Variants in PRIM2 observed in about 807,000 individuals in gnomAD.
PRIM2 encodes the protein DNA primase large subunit.
In PRIM2, 39 loss-of-function variants were observed where a neutral mutation model predicts 67.3. The observed-to-expected ratio is 0.58, with a 90% CI of 0.45 to 0.76. The LOEUF (loss-of-function observed/expected upper bound fraction) is 0.76. Ranked by LOEUF, PRIM2 falls within the 30% of genes least tolerant of loss-of-function variation. The probability of loss-of-function intolerance (pLI) is 0.00; values close to 1 mark genes in which losing one functional copy is unlikely to be tolerated. For missense variants in PRIM2, 398 were observed against 598.7 expected (o/e 0.66, Z 3.50); for synonymous variants, 143 against 198.7 (o/e 0.72, Z 2.36).
chr6:57,595,330 C>A (rs1187025769), intron 10 of PRIM2, among the ~76,000 whole-genome samples: 14 of 152,196 alleles, frequency 9.2e-5, no homozygotes, highest in East Asian at 3.9e-4. Flanking sequence ...TAGGAAAAAA[C>A]CAATTTTCTC....
intron 10 of PRIM2, among the ~76,000 whole-genome samples, chr6:57,575,647 G>C (rs1775949628): frequency 2.0e-5 from 3 of 152,102 alleles, no homozygotes; most frequent in Non-Finnish European, 4.4e-5. Context: ...TTACTCTTGA[G>C]GGGTGATAAT....
At chr6:57,450,631 C>G (rs1046880480) in intron 7 of PRIM2, among the ~76,000 whole-genome samples, 2 of 152,184 alleles carry the variant, frequency 1.3e-5, no homozygotes, top group Admixed American at 1.3e-4. Flanking sequence ...TTTAGAATTA[C>G]TACATTTGGC....
At chr6:57,433,057 T>G (rs1471924098) in intron 7 of PRIM2, among the ~76,000 whole-genome samples, 3 of 152,130 alleles carry the variant, frequency 2.0e-5, no homozygotes, top group Non-Finnish European at 4.4e-5. Flanking sequence ...TAAATAAAAT[T>G]TTATTGGAAC....
the PRIM2 span, among the ~76,000 whole-genome samples, chr6:57,262,000 G>T: frequency 1.3e-5 from 2 of 152,174 alleles, no homozygotes; most frequent in Non-Finnish European, 2.9e-5. Flanking sequence ...TTTGGCTTGA[G>T]TTCTGTTTTC....
intron 5 of PRIM2, among the ~76,000 whole-genome samples, chr6:57,366,257 G>A (rs1032252430): frequency 1.3e-5 from 2 of 152,180 alleles, no homozygotes; most frequent in Non-Finnish European, 2.9e-5. Flanking sequence ...AGTCATAGAA[G>A]TGAAAGAAAG....
chr6:57,379,422 TAATA>T (rs1769880278), intron 5 of PRIM2, among the ~76,000 whole-genome samples: 1 of 151,464 alleles, frequency 6.6e-6, no homozygotes, highest in Non-Finnish European at 1.5e-5. Flanking sequence ...CAGTCTGAGA[TAATA>T]AATTTATAGT....
At chr6:57,421,693 C>G (rs1387664901) in intron 7 of PRIM2, among the ~76,000 whole-genome samples, 1 of 152,172 alleles carries the variant, frequency 6.6e-6, no homozygotes, top group Non-Finnish European at 1.5e-5. Context: ...TTTCAGCTTT[C>G]CATCCCACTT....
chr6:57,381,018 A>G (rs890988771), intron 6 of PRIM2, among the ~76,000 whole-genome samples: 17 of 151,600 alleles, frequency 1.1e-4, no homozygotes, highest in African/African-American at 4.1e-4. Flanking sequence ...TTGGACTAGA[A>G]CTCATGTTTC....
intron 7 of PRIM2, among the ~76,000 whole-genome samples, chr6:57,470,316 C>T (rs1156966591): frequency 6.7e-6 from 1 of 148,916 alleles, no homozygotes; most frequent in African/African-American, 2.5e-5. Context: ...CTGTGTTCTG[C>T]AGCTGGCTCT....
chr6:57,524,061 A>G (rs1181733461), intron 8 of PRIM2, among the ~76,000 whole-genome samples: 4 of 152,000 alleles, frequency 2.6e-5, no homozygotes, highest in Non-Finnish European at 5.9e-5. Context: ...TTTAGTGTGG[A>G]TGTGATTAAT....
chr6:57,476,314 C>T (rs1260291079), intron 7 of PRIM2, among the ~76,000 whole-genome samples: 1 of 152,124 alleles, frequency 6.6e-6, no homozygotes, highest in African/African-American at 2.4e-5. Flanking sequence ...ACCAAAATTG[C>T]GCAGTGATAT....
chr6:57,487,805 G>A (rs1392643963), intron 7 of PRIM2, among the ~76,000 whole-genome samples: 157 of 152,244 alleles, frequency 1.0e-3, no homozygotes, highest in African/African-American at 3.6e-3. Context: ...AAATAGGAGA[G>A]GTGATAGTAG....
chr6:57,279,963 G>C, the PRIM2 span, among the ~76,000 whole-genome samples: 2 of 152,066 alleles, frequency 1.3e-5, no homozygotes, highest in Non-Finnish European at 2.9e-5. Context: ...TAAGTTTGGG[G>C]CCTGTAAGTA....
chr6:57,456,731 G>A (rs1772799091), intron 7 of PRIM2, among the ~76,000 whole-genome samples: 1 of 151,876 alleles, frequency 6.6e-6, no homozygotes, highest in South Asian at 2.1e-4. Flanking sequence ...CCATGGGTTC[G>A]AACTTCCTCC....
chr6:57,284,010 AT>A, the PRIM2 span, among the ~76,000 whole-genome samples: 1 of 152,146 alleles, frequency 6.6e-6, no homozygotes, highest in Non-Finnish European at 1.5e-5. Flanking sequence ...ATTATAGTAT[AT>A]TTCTTACTCT....
intron 7 of PRIM2, among the ~76,000 whole-genome samples, chr6:57,427,721 G>T (rs1771678881): frequency 6.6e-6 from 1 of 152,088 alleles, no homozygotes; most frequent in African/African-American, 2.4e-5. Context: ...ATTTATAAAT[G>T]AGATTAAACT....
At chr6:57,333,075 T>G (rs2127283184) in intron 5 of PRIM2, among the ~76,000 whole-genome samples, 1 of 152,294 alleles carries the variant, frequency 6.6e-6, no homozygotes, top group African/African-American at 2.4e-5. Context: ...ACAATTATAT[T>G]TTATTTTAAA....
chr6:57,274,835 G>T, the PRIM2 span, among the ~76,000 whole-genome samples: 1 of 152,108 alleles, frequency 6.6e-6, no homozygotes, highest in Non-Finnish European at 1.5e-5. Flanking sequence ...GGAGTGCAGT[G>T]GTGTGATCTC....
the PRIM2 span, among the ~76,000 whole-genome samples, chr6:57,308,090 G>A: frequency 6.6e-6 from 1 of 151,860 alleles, no homozygotes; most frequent in Non-Finnish European, 1.5e-5. Context: ...TCCATTGTAT[G>A]AATACACCAG....
Sources: allele counts gnomAD v4.1 joint callset (sites outside exome capture counted in the v4.1 genomes callset), GRCh38; gene constraint gnomAD v4.1.1; transcripts MANE v1.5; gene names NCBI Gene and HGNC (gene_info 2026-07-23, HGNC 2026-07-21).